The following RBFOX1 variants were observed in gnomAD, a reference collection of about 807,000 sequenced individuals.
The protein encoded by RBFOX1 is RNA binding protein fox-1 homolog 1.
In RBFOX1, 8 loss-of-function variants were observed where a neutral mutation model predicts 57.7. The ratio of observed to expected loss-of-function variants is 0.14; its 90% CI spans 0.08 to 0.25. The LOEUF is 0.25. Among genes scored for constraint, RBFOX1 ranks in the 10% least tolerant of loss-of-function variants. The pLI is 1.00. For missense variants in RBFOX1, 611 were observed against 548.5 expected (o/e 1.11, Z -1.14); for synonymous variants, 326 against 222.4 (o/e 1.47, Z -4.15).
intron 2 of RBFOX1, among the ~76,000 whole-genome samples, chr16:6,611,951 C>T (rs2098063564): frequency 6.6e-6 from 1 of 151,962 alleles, no homozygotes; most frequent in African/African-American, 2.4e-5. Flanking sequence ...TCACCTCTTC[C>T]TCAATTCTGT....
chr16:6,247,669 G>T (rs1293070835), intron 1 of RBFOX1, among the ~76,000 whole-genome samples: 1 of 152,154 alleles, frequency 6.6e-6, no homozygotes, highest in African/African-American at 2.4e-5. Flanking sequence ...AGAGCATAGA[G>T]AAGCAAAGAT....
intron 1 of RBFOX1, among the ~76,000 whole-genome samples, chr16:5,380,404 G>C (rs1456888600): frequency 6.6e-6 from 1 of 152,178 alleles, no homozygotes; most frequent in Non-Finnish European, 1.5e-5. Flanking sequence ...CCACAACTCA[G>C]CTGAACTCTA....
intron 4 of RBFOX1, among the ~76,000 whole-genome samples, chr16:5,996,444 T>A (rs1297990864): frequency 2.0e-5 from 2 of 101,584 alleles, no homozygotes; most frequent in Non-Finnish European, 3.9e-5. Flanking sequence ...CACGGAGGTG[T>A]GAGGGTGATT....
chr16:5,831,874 T>C (rs17138724), intron 3 of RBFOX1, among the ~76,000 whole-genome samples: 4 of 152,156 alleles, frequency 2.6e-5, no homozygotes, highest in Non-Finnish European at 4.4e-5. Context: ...TTTAAGTGAA[T>C]GACCCCATGC....
At position 5,857,725 on chromosome 16, in the gene RBFOX1, C is replaced by T. The variant is rs537508044; in HGVS notation, c.319-9578C>T. Among the ~76,000 whole-genome samples the T allele has an allele frequency of 9.7e-4, 148 of 151,928 alleles. 1 individual carries two copies. The highest frequency in any genetic ancestry group is 6.8e-3 in the Middle Eastern group (2 of 294). On this transcript the variant is annotated intron_variant, in intron 3 of 19. Transcript: ENST00000641259. ...ACACTTGAGCCCAGGAGTTCAAGAC[C>T]AGCCTGGGCAATATAGAGAAACCCT...
intron 4 of RBFOX1, among the ~76,000 whole-genome samples, chr16:7,059,094 T>A (rs1444778065): frequency 1.3e-5 from 2 of 152,200 alleles, no homozygotes; most frequent in Non-Finnish European, 2.9e-5. Flanking sequence ...TTGCTAATGA[T>A]CTTCTTGGCT....
rs146268118 is a variant in RBFOX1, at chr16:5,795,418, C to T, written c.319-71885C>T. Among the ~76,000 whole-genome samples the T allele has an allele frequency of 2.1e-3, 321 of 152,184 alleles. 2 individuals carry two copies. Among genetic ancestry groups the T allele is most frequent in the Non-Finnish European group, 3.6e-3 (242 of 68,012 alleles). On this transcript the variant is annotated intron_variant, in intron 3 of 19. Coordinates refer to the RBFOX1 transcript ENST00000641259. Reference sequence around the variant, plus strand: ...TTCTGGGCTCAAGTGATCCTCCTGCCTCAGCCTCCCGAGTAGTGGGACCAC... The same window carrying T: ...TTCTGGGCTCAAGTGATCCTCCTGCTTCAGCCTCCCGAGTAGTGGGACCAC...
intron 1 of RBFOX1, among the ~76,000 whole-genome samples, chr16:5,406,389 C>T (rs533209666): frequency 1.5e-4 from 23 of 152,236 alleles, no homozygotes; most frequent in African/African-American, 5.5e-4. Flanking sequence ...GCTGGGACGT[C>T]AATCTTCTTA....
intron 2 of RBFOX1, among the ~76,000 whole-genome samples, chr16:6,584,172 A>G (rs983825150): frequency 5.9e-5 from 9 of 151,770 alleles, no homozygotes; most frequent in African/African-American, 1.9e-4. Flanking sequence ...TCCCTGCTGT[A>G]ATTACATCTA....
At chr16:6,104,769 C>T (rs1316504815) in intron 1 of RBFOX1, among the ~76,000 whole-genome samples, 1 of 152,176 alleles carries the variant, frequency 6.6e-6, no homozygotes, top group Non-Finnish European at 1.5e-5. Flanking sequence ...CAAATAGAAG[C>T]TACACCACAT....
intron 1 of RBFOX1, among the ~76,000 whole-genome samples, chr16:6,185,093 T>C (rs2097096664): frequency 6.6e-6 from 1 of 152,120 alleles, no homozygotes; most frequent in East Asian, 1.9e-4. Context: ...GATATGGAGA[T>C]ATAGATTTAG....
chr16:7,411,229 A>C (rs1370943907), intron 4 of RBFOX1, among the ~76,000 whole-genome samples: 1 of 80,426 alleles, frequency 1.2e-5, no homozygotes, highest in Non-Finnish European at 2.4e-5. Flanking sequence ...TACAGCCACC[A>C]CACCTGGCCA....
intron 2 of RBFOX1, among the ~76,000 whole-genome samples, chr16:6,418,049 C>T (rs552081661): frequency 1.3e-5 from 2 of 152,206 alleles, no homozygotes; most frequent in Admixed American, 6.5e-5. Context: ...ACAAGTTATA[C>T]TGAACCCAGA....
chr16:5,320,911 G>A (rs1021064973), intron 1 of RBFOX1, among the ~76,000 whole-genome samples: 3 of 152,162 alleles, frequency 2.0e-5, no homozygotes, highest in Admixed American at 6.5e-5. Context: ...CCCCAGGGGC[G>A]GCCCTGCCTC....
chr16:7,553,990 C>T (rs3785252), intron 5 of RBFOX1, among the ~76,000 whole-genome samples: 97,551 of 152,000 alleles, frequency 0.64, 34,027 homozygotes, highest in Non-Finnish European at 0.79. Flanking sequence ...ACACTTGTAA[C>T]CCAAGCACTT....
At chr16:5,928,876 C>A (rs1741444605) in intron 4 of RBFOX1, among the ~76,000 whole-genome samples, 1 of 152,030 alleles carries the variant, frequency 6.6e-6, no homozygotes, top group South Asian at 2.1e-4. Context: ...GTTTGAACAG[C>A]CTCTGTGACA....
intron 2 of RBFOX1, among the ~76,000 whole-genome samples, chr16:6,624,938 G>A (rs1390414891): frequency 1.3e-5 from 2 of 152,084 alleles, no homozygotes; most frequent in Admixed American, 6.6e-5. Context: ...GTCGAGGCAG[G>A]TGGATCACTT....
chr16:5,815,156 A>ATTTTT lies in RBFOX1; in HGVS notation c.319-52131_319-52127dup, dbSNP rs71142650. ...CACCAGGCCTGGCTAATTTAATTTA[A>ATTTTT]TTTTTTTTTTTTTTTTTTTTGTAGA... On this transcript the variant is annotated intron_variant, in intron 3 of 19. Transcript: ENST00000641259. 1.9e-3 allele frequency among the ~76,000 whole-genome samples: 219 copies of ATTTTT among 114,198 alleles called. 7 individuals carry two copies. Among genetic ancestry groups the ATTTTT allele is most frequent in the African/African-American group, 5.2e-3 (150 of 28,960 alleles). 74.9% of individuals were successfully genotyped at this position (114,198 alleles called of 152,430 possible). A position where few individuals can be genotyped will look rare whatever the true frequency, so the allele number is the denominator to read the frequency against.
chr16:7,295,378 G>C (rs926265081), intron 4 of RBFOX1, among the ~76,000 whole-genome samples: 1 of 152,134 alleles, frequency 6.6e-6, no homozygotes, highest in Admixed American at 6.5e-5. Flanking sequence ...GAGGAATGAT[G>C]GTTTCATCAA....
Sources: allele counts gnomAD v4.1 joint callset (sites outside exome capture counted in the v4.1 genomes callset), GRCh38; gene constraint gnomAD v4.1.1; transcripts MANE v1.5; gene names NCBI Gene and HGNC (gene_info 2026-07-23, HGNC 2026-07-21).